The following MDGA2 variants were observed in gnomAD, a reference collection of about 807,000 sequenced individuals.
The protein encoded by MDGA2 is MAM domain-containing glycosylphosphatidylinositol anchor protein 2.
A neutral mutation model predicts 117.8 loss-of-function variants in MDGA2; 40 were observed. The observed-to-expected ratio is 0.34, with a 90% CI of 0.26 to 0.44. The LOEUF is 0.44. MDGA2 is among the 20% of genes least tolerant of loss of function. The pLI is 1.00. For missense variants in MDGA2, 1,123 were observed against 1,250.6 expected (o/e 0.90, Z 1.54); for synonymous variants, 452 against 439.0 (o/e 1.03, Z -0.37).
At chr14:47,531,556 A>C (rs1044373552) in intron 1 of MDGA2, among the ~76,000 whole-genome samples, 3 of 152,192 alleles carry the variant, frequency 2.0e-5, no homozygotes, top group African/African-American at 7.2e-5. Context: ...TAAACCTTGG[A>C]TAATAATAAC....
intron 1 of MDGA2, among the ~76,000 whole-genome samples, chr14:47,493,674 GTAAC>G (rs1425828337): frequency 6.6e-6 from 1 of 152,018 alleles, no homozygotes; most frequent in African/African-American, 2.4e-5. Context: ...TTCCCAAAAA[GTAAC>G]TATCGAATAC....
chr14:47,588,053 T>G (rs1453497983), intron 1 of MDGA2, among the ~76,000 whole-genome samples: 1 of 151,786 alleles, frequency 6.6e-6, no homozygotes, highest in Non-Finnish European at 1.5e-5. Context: ...ATATTATTAC[T>G]GCATTTCTTT....
intron 1 of MDGA2, among the ~76,000 whole-genome samples, chr14:47,309,673 T>A (rs974835140): frequency 6.6e-6 from 1 of 152,072 alleles, no homozygotes; most frequent in African/African-American, 2.4e-5. Context: ...TTGACATAAT[T>A]TTTTAGGTTG....
intron 1 of MDGA2, among the ~76,000 whole-genome samples, chr14:47,646,425 A>C (rs569159983): frequency 6.6e-6 from 1 of 152,224 alleles, no homozygotes; most frequent in East Asian, 1.9e-4. Context: ...TTTCAGTTTA[A>C]ATTTTACTTC....
intron 1 of MDGA2, among the ~76,000 whole-genome samples, chr14:47,423,791 AAC>A (rs1282627815): frequency 9.8e-4 from 134 of 136,738 alleles, no homozygotes; most frequent in African/African-American, 3.6e-3. Context: ...TATTTTATTT[AAC>A]TATTTATTTT....
At chr14:47,384,012 GATA>G (rs1566763439) in intron 1 of MDGA2, among the ~76,000 whole-genome samples, 1 of 117,684 alleles carries the variant, frequency 8.5e-6, no homozygotes, top group Admixed American at 9.8e-5. Context: ...TAGATAGATA[GATA>G]ATAGATAGAT....
At chr14:47,341,603 T>TGG (rs1433710774) in intron 1 of MDGA2, among the ~76,000 whole-genome samples, 2 of 152,220 alleles carry the variant, frequency 1.3e-5, no homozygotes, top group East Asian at 3.9e-4. Context: ...TGATAATACA[T>TGG]ATTTGACTAA....
intron 10 of MDGA2, among the ~76,000 whole-genome samples, chr14:46,916,299 C>A (rs1446708110): frequency 6.6e-6 from 1 of 152,096 alleles, no homozygotes; most frequent in Non-Finnish European, 1.5e-5. Context: ...GAGCTGGGGT[C>A]CATGAGAAAC....
intron 9 of MDGA2, among the ~76,000 whole-genome samples, chr14:46,934,498 A>G (rs1029149197): frequency 6.6e-6 from 1 of 152,162 alleles, no homozygotes; most frequent in Non-Finnish European, 1.5e-5. Context: ...AAAAGTTAAT[A>G]AGACTATCAT....
intron 8 of MDGA2, among the ~76,000 whole-genome samples, chr14:46,982,193 T>C (rs920417747): frequency 1.3e-5 from 2 of 152,174 alleles, no homozygotes; most frequent in African/African-American, 2.4e-5. Context: ...AAAGACACCA[T>C]ATCATACGAG....
chr14:47,219,626 G>A (rs1886225616), intron 2 of MDGA2, among the ~76,000 whole-genome samples: 1 of 151,914 alleles, frequency 6.6e-6, no homozygotes, highest in African/African-American at 2.4e-5. Flanking sequence ...ATAATGCATA[G>A]AAATTAGCCT....
At chr14:46,881,204 G>C (rs1882446479) in intron 11 of MDGA2, among the ~76,000 whole-genome samples, 1 of 152,024 alleles carries the variant, frequency 6.6e-6, no homozygotes, top group Admixed American at 6.6e-5. Context: ...GTGCTATGAA[G>C]TCCCAAAAAG....
At chr14:47,402,250 G>T (rs1566770375) in intron 1 of MDGA2, among the ~76,000 whole-genome samples, 1 of 150,928 alleles carries the variant, frequency 6.6e-6, no homozygotes, top group Non-Finnish European at 1.5e-5. Context: ...AAGTGGTATT[G>T]TTACTACTAT....
At chr14:47,589,592 G>A (rs998017444) in intron 1 of MDGA2, among the ~76,000 whole-genome samples, 1 of 151,812 alleles carries the variant, frequency 6.6e-6, no homozygotes, top group Non-Finnish European at 1.5e-5. Context: ...TTTATATCAG[G>A]TCACATGAAT....
chr14:47,461,578 A>G (rs906421317), intron 1 of MDGA2, among the ~76,000 whole-genome samples: 2 of 152,162 alleles, frequency 1.3e-5, no homozygotes, highest in African/African-American at 4.8e-5. Flanking sequence ...TCTCCTTTAC[A>G]GGCTCTGTGC....
At chr14:47,574,667 A>G (rs1896083495) in intron 1 of MDGA2, among the ~76,000 whole-genome samples, 1 of 152,090 alleles carries the variant, frequency 6.6e-6, no homozygotes, top group African/African-American at 2.4e-5. Context: ...AATAGATAAA[A>G]TTTATTCAGT....
intron 2 of MDGA2, among the ~76,000 whole-genome samples, chr14:47,251,972 G>A (rs1887462824): frequency 6.6e-6 from 1 of 151,684 alleles, no homozygotes; most frequent in South Asian, 2.1e-4. Context: ...TGGTTTGCAG[G>A]AAAGGTGCTA....
At chr14:46,851,002 A>G (rs1382958571) in intron 15 of MDGA2, among the ~76,000 whole-genome samples, 1 of 151,800 alleles carries the variant, frequency 6.6e-6, no homozygotes, top group Admixed American at 6.6e-5. Context: ...TGAGGACAAT[A>G]TTTTCTAGCT....
intron 15 of MDGA2, among the ~76,000 whole-genome samples, chr14:46,852,395 A>T (rs991804909): frequency 1.2e-4 from 18 of 151,828 alleles, no homozygotes; most frequent in Admixed American, 2.0e-4. Context: ...GAGGAAAAGA[A>T]GGTGAAACCT....
Sources: allele counts gnomAD v4.1 joint callset (sites outside exome capture counted in the v4.1 genomes callset), GRCh38; gene constraint gnomAD v4.1.1; transcripts MANE v1.5; gene names NCBI Gene and HGNC (gene_info 2026-07-23, HGNC 2026-07-21).